PRKX: variants seen among roughly 807,000 people sequenced by gnomAD.
The protein encoded by PRKX is cAMP-dependent protein kinase catalytic subunit PRKX.
PRKX carries 12 observed loss-of-function variants against 22.0 expected under a neutral mutation model. The observed-to-expected ratio is 0.54, with a 90% CI of 0.35 to 0.88. PRKX has a LOEUF of 0.88. PRKX is among the 40% of genes least tolerant of loss of function. PRKX has a pLI of 0.01. For missense variants in PRKX, 217 were observed against 308.0 expected (o/e 0.70, Z 2.21); for synonymous variants, 134 against 137.7 (o/e 0.97, Z 0.19).
intron 1 of PRKX, among the ~76,000 whole-genome samples, chrX:3,705,520 G>A: frequency 9.0e-6 from 1 of 111,097 alleles, no homozygotes; most frequent in East Asian, 2.9e-4. Context: ...GAGGGAACCC[G>A]TCACACAGAA....
chrX:3,642,468 G>A (rs769902442), intron 3 of PRKX, among the ~76,000 whole-genome samples: 29 of 109,570 alleles, frequency 2.6e-4, no homozygotes, highest in African/African-American at 9.3e-4. Context: ...ACACCTGGCC[G>A]CTGGAAGGAG....
chrX:3,618,285 G>A (rs1421817534), intron 6 of PRKX, among the ~76,000 whole-genome samples: 9 of 110,379 alleles, frequency 8.2e-5, no homozygotes, highest in South Asian at 3.8e-4. Context: ...TGCACAGCTC[G>A]GTGACTATAA....
chrX:3,700,628 G>C (rs1217347432), intron 1 of PRKX, among the ~76,000 whole-genome samples: 1 of 108,583 alleles, frequency 9.2e-6, no homozygotes, highest in African/African-American at 3.4e-5. Flanking sequence ...ACCCAGGCTG[G>C]AGTACAATGG....
chrX:3,645,086 C>T (rs1927161569), intron 3 of PRKX, among the ~76,000 whole-genome samples: 2 of 111,514 alleles, frequency 1.8e-5, no homozygotes, highest in Admixed American at 1.9e-4. Flanking sequence ...TGGAGAGATG[C>T]TGACTGCGTG....
chrX:3,653,618 ATT>A (rs1217955774), intron 3 of PRKX, among the ~76,000 whole-genome samples: 1 of 74,688 alleles, frequency 1.3e-5, no homozygotes, highest in East Asian at 4.6e-4. Flanking sequence ...TAATATATAT[ATT>A]ATATATAATA....
At chrX:3,653,187 G>A (rs989675356) in intron 3 of PRKX, among the ~76,000 whole-genome samples, 6 of 111,221 alleles carry the variant, frequency 5.4e-5, no homozygotes, top group Non-Finnish European at 7.5e-5. Context: ...AGGTGATGAG[G>A]TCACGAAGGT....
At chrX:3,669,431 C>T (rs1435300679) in intron 2 of PRKX, among the ~76,000 whole-genome samples, 1 of 112,090 alleles carries the variant, frequency 8.9e-6, no homozygotes, top group Non-Finnish European at 1.9e-5. Flanking sequence ...GGGAACTTAG[C>T]AGTATCTAGA....
chrX:3,696,080 T>C (rs1024506465), intron 1 of PRKX, among the ~76,000 whole-genome samples: 2 of 110,667 alleles, frequency 1.8e-5, no homozygotes, highest in Admixed American at 9.7e-5. Flanking sequence ...TTGGGAGGTG[T>C]TGAGGTCATG....
At chrX:3,678,439 G>A (rs1487006859) in intron 1 of PRKX, among the ~76,000 whole-genome samples, 4 of 111,941 alleles carry the variant, frequency 3.6e-5, no homozygotes, top group Non-Finnish European at 7.5e-5. Flanking sequence ...CCTCAACAGA[G>A]AGAATTCTCC....
intron 2 of PRKX, among the ~76,000 whole-genome samples, chrX:3,667,085 C>CT (rs1248315358): frequency 9.0e-6 from 1 of 111,214 alleles, no homozygotes; most frequent in Non-Finnish European, 1.9e-5. Context: ...TCAACAACGA[C>CT]TGAGACAAGG....
Position 3,613,150 on chromosome X carries a change from C to CAAAAAAA in PRKX, c.952-832_952-826dup, listed in dbSNP as rs528688936. On this transcript the variant is annotated intron_variant, in intron 7 of 8. Transcript: ENST00000262848. ...TGGGCAACGGAGCAAGACTTCGTCT[C>CAAAAAAA]AAAAAAAAAAAAAAAAAAAAAAAAA... Among the ~76,000 whole-genome samples, 30 of 54,324 alleles carry CAAAAAAA rather than the reference C, an allele frequency of 5.5e-4. 4 individuals carry two copies. Among genetic ancestry groups the CAAAAAAA allele is most frequent in the East Asian group, 4.0e-3 (5 of 1,243 alleles). The allele number at this position is 54,324 out of a possible 115,157, so 47.2% of individuals were successfully genotyped here. A position where few individuals can be genotyped will look rare whatever the true frequency, so the allele number is the denominator to read the frequency against.
chrX:3,622,075 C>T (rs771733610), intron 5 of PRKX, among the ~76,000 whole-genome samples: 19 of 110,546 alleles, frequency 1.7e-4, no homozygotes, highest in African/African-American at 2.3e-4. Context: ...ACCCAGGAGG[C>T]GAAGGTTGCA....
intron 1 of PRKX, among the ~76,000 whole-genome samples, chrX:3,689,838 G>C (rs1177514285): frequency 1.5e-4 from 17 of 111,478 alleles, no homozygotes; most frequent in African/African-American, 4.9e-4. Context: ...TTAGCCGAGT[G>C]TGGTGGCGGA....
chrX:3,618,092 G>T (rs1329118148), intron 6 of PRKX, among the ~76,000 whole-genome samples: 2 of 104,589 alleles, frequency 1.9e-5, no homozygotes, highest in Admixed American at 2.1e-4. Context: ...AGAGAAATAA[G>T]CCAGGCACAG....
chrX:3,695,057 T>C (rs1928418097), intron 1 of PRKX, among the ~76,000 whole-genome samples: 1 of 111,549 alleles, frequency 9.0e-6, no homozygotes, highest in Non-Finnish European at 1.9e-5. Flanking sequence ...TATAAGAGTG[T>C]TGCTGGATAT....
chrX:3,629,316 A>T (rs1291409882), intron 4 of PRKX, among the ~76,000 whole-genome samples: 1 of 109,942 alleles, frequency 9.1e-6, no homozygotes, highest in Non-Finnish European at 1.9e-5. Context: ...ATCCTGGCTC[A>T]GTGCACTCAG....
intron 2 of PRKX, among the ~76,000 whole-genome samples, chrX:3,660,327 T>C (rs779307138): frequency 3.6e-5 from 4 of 111,821 alleles, no homozygotes; most frequent in Non-Finnish European, 5.6e-5. Flanking sequence ...TACTGAACAT[T>C]TGGGGGTAAC....
intron 1 of PRKX, among the ~76,000 whole-genome samples, chrX:3,692,047 A>G (rs780674141): frequency 1.0e-5 from 1 of 96,792 alleles, no homozygotes; most frequent in African/African-American, 3.7e-5. Context: ...TAGATAATTG[A>G]TAGGTAGGTA....
intron 5 of PRKX, among the ~76,000 whole-genome samples, chrX:3,624,407 G>T (rs1926619452): frequency 9.0e-6 from 1 of 110,522 alleles, no homozygotes; most frequent in Non-Finnish European, 1.9e-5. Context: ...ATAAAGAGAG[G>T]CATGTTAGAT....
Sources: gnomAD v4.1 joint callset for allele counts (sites outside exome capture counted in the v4.1 genomes callset) on GRCh38, gnomAD v4.1.1 for gene constraint, MANE v1.5 for transcripts, NCBI Gene and HGNC (gene_info 2026-07-23, HGNC 2026-07-21) for gene names.